Variants in LRBA observed in about 807,000 individuals in gnomAD.
The protein encoded by LRBA is LPS responsive beige-like anchor protein, also known as lipopolysaccharide-responsive and beige-like anchor protein.
Under a neutral mutation model 330.0 loss-of-function variants are expected in LRBA, and 176 were observed. That is an observed-to-expected ratio of 0.53 (90% CI 0.47 to 0.60). The LOEUF (loss-of-function observed/expected upper bound fraction) is 0.60. Ranked by LOEUF, LRBA falls within the 20% of genes least tolerant of loss-of-function variation. LRBA has a pLI of 0.00. For missense variants in LRBA, 3,259 were observed against 3,444.8 expected (o/e 0.95, Z 1.35); for synonymous variants, 1,230 against 1,193.0 (o/e 1.03, Z -0.64).
intron 40 of LRBA, among the ~76,000 whole-genome samples, chr4:150,504,572 C>G (rs1581515611): frequency 6.6e-6 from 1 of 152,166 alleles, no homozygotes; most frequent in Admixed American, 6.5e-5. Flanking sequence ...CAGGCCTGCC[C>G]TAAAGGAGCT....
chr4:150,601,162 C>T (rs914116221), intron 37 of LRBA, among the ~76,000 whole-genome samples: 1 of 152,202 alleles, frequency 6.6e-6, no homozygotes, highest in African/African-American at 2.4e-5. Context: ...CCTTCTAATA[C>T]TCTATGCTTC....
intron 33 of LRBA, among the ~76,000 whole-genome samples, chr4:150,799,574 G>A (rs975272318): frequency 3.3e-5 from 5 of 152,068 alleles, no homozygotes; most frequent in African/African-American, 9.7e-5. Context: ...TGCTTTATTC[G>A]AGAGAAACTA....
At chr4:150,930,978 T>C (rs538389777) in intron 2 of LRBA, among the ~76,000 whole-genome samples, 67 of 152,362 alleles carry the variant, frequency 4.4e-4, no homozygotes, top group African/African-American at 1.5e-3. Context: ...TATTATACTA[T>C]GAAATATTCC....
intron 52 of LRBA, among the ~76,000 whole-genome samples, chr4:150,305,066 A>T (rs1730182925): frequency 6.6e-6 from 1 of 152,212 alleles, no homozygotes; most frequent in Non-Finnish European, 1.5e-5. Context: ...TTTGAAACCC[A>T]ACAATCAGTG....
At chr4:150,339,912 T>C (rs768712491) in intron 48 of LRBA, among the ~76,000 whole-genome samples, 12 of 151,512 alleles carry the variant, frequency 7.9e-5, no homozygotes, top group African/African-American at 2.9e-4. Flanking sequence ...TCATCTTGAA[T>C]TGTAGTTCCC....
chr4:150,997,573 C>T (rs966584487), intron 2 of LRBA, among the ~76,000 whole-genome samples: 2 of 151,718 alleles, frequency 1.3e-5, no homozygotes, highest in Non-Finnish European at 2.9e-5. Context: ...AAGAAAGATG[C>T]CTAAGGGGAA....
intron 2 of LRBA, among the ~76,000 whole-genome samples, chr4:150,950,808 C>T (rs548335026): frequency 6.6e-6 from 1 of 152,282 alleles, no homozygotes; most frequent in African/African-American, 2.4e-5. Flanking sequence ...GTACCTCACA[C>T]CCAGGTCACA....
At chr4:150,936,977 T>G (rs1003033025) in intron 2 of LRBA, among the ~76,000 whole-genome samples, 3 of 152,022 alleles carry the variant, frequency 2.0e-5, no homozygotes, top group Non-Finnish European at 4.4e-5. Flanking sequence ...ATTACTTACA[T>G]CAATCATTCC....
chr4:150,914,843 C>T (rs142581815), intron 8 of LRBA, among the ~76,000 whole-genome samples: 13 of 152,160 alleles, frequency 8.5e-5, no homozygotes, highest in East Asian at 3.9e-4. Context: ...GTATAAGGCG[C>T]GCTGCTAATA....
intron 28 of LRBA, among the ~76,000 whole-genome samples, chr4:150,833,267 C>T (rs1215015205): frequency 1.3e-5 from 2 of 151,734 alleles, no homozygotes; most frequent in Non-Finnish European, 2.9e-5. Context: ...TCAAGGAGAA[C>T]CTACACACAC....
chr4:150,954,948 A>C (rs1187780343), intron 2 of LRBA, among the ~76,000 whole-genome samples: 2 of 148,272 alleles, frequency 1.3e-5, no homozygotes, highest in African/African-American at 5.3e-5. Flanking sequence ...TAAACAACAC[A>C]CTCCTAAATA....
chr4:150,472,760 T>C (rs958996924), intron 42 of LRBA, among the ~76,000 whole-genome samples: 2 of 152,136 alleles, frequency 1.3e-5, no homozygotes, highest in African/African-American at 4.8e-5. Flanking sequence ...GTCTTTTGTG[T>C]CAGGTTTCTT....
At chr4:150,742,220 A>G (rs1732106641) in intron 35 of LRBA, among the ~76,000 whole-genome samples, 1 of 148,954 alleles carries the variant, frequency 6.7e-6, no homozygotes, top group Non-Finnish European at 1.5e-5. Flanking sequence ...ATTATGGCTC[A>G]CAGAAACCTC....
intron 35 of LRBA, among the ~76,000 whole-genome samples, chr4:150,754,509 A>T (rs1406325878): frequency 9.5e-6 from 1 of 105,512 alleles, no homozygotes; most frequent in African/African-American, 3.4e-5. Context: ...ACAGAACAAG[A>T]CCCTGTCTCA....
At chr4:150,580,299 T>C (rs1771131219) in intron 40 of LRBA, 1 of 151,812 alleles carries the variant, frequency 6.6e-6, no homozygotes, top group African/African-American at 2.4e-5. Flanking sequence ...GAGATAGTTT[T>C]TTTTTAAGCA....
chr4:150,424,352 C>T (rs1051990745), intron 46 of LRBA, among the ~76,000 whole-genome samples: 9 of 152,168 alleles, frequency 5.9e-5, no homozygotes, highest in African/African-American at 1.7e-4. Flanking sequence ...TAAGTTCCCA[C>T]GGCATATTTT....
At chr4:150,304,937 T>TCAC (rs954316145) in intron 52 of LRBA, among the ~76,000 whole-genome samples, 1 of 152,234 alleles carries the variant, frequency 6.6e-6, no homozygotes, top group African/African-American at 2.4e-5. Context: ...ATACATCATA[T>TCAC]AGTGATGTGA....
intron 34 of LRBA, among the ~76,000 whole-genome samples, chr4:150,780,949 G>A (rs943309907): frequency 2.0e-5 from 3 of 151,964 alleles, no homozygotes; most frequent in South Asian, 2.1e-4. Context: ...GCACCAGCTC[G>A]GCTCACTGCA....
chr4:150,877,696 T>C (rs769420860), intron 17 of LRBA, among the ~76,000 whole-genome samples: 1 of 152,176 alleles, frequency 6.6e-6, no homozygotes, highest in African/African-American at 2.4e-5. Flanking sequence ...TAGACATCTA[T>C]GGGATACTCC....
Sources: gnomAD v4.1 joint callset for allele counts (sites outside exome capture counted in the v4.1 genomes callset) on GRCh38, gnomAD v4.1.1 for gene constraint, MANE v1.5 for transcripts, NCBI Gene and HGNC (gene_info 2026-07-23, HGNC 2026-07-21) for gene names.